The following DAB1 variants were observed in gnomAD, a reference collection of about 807,000 sequenced individuals.
DAB1 encodes DAB adaptor protein 1.
Under a neutral mutation model 64.6 loss-of-function variants are expected in DAB1, and 15 were observed. That is an observed-to-expected ratio of 0.23 (90% CI 0.16 to 0.36). DAB1 has a LOEUF of 0.36. Ranked by LOEUF, DAB1 falls within the 10% of genes least tolerant of loss-of-function variation. The pLI is 1.00. For synonymous variants in DAB1, 235 were observed against 251.9 expected (o/e 0.93, Z 0.64); for missense variants, 596 against 706.7 (o/e 0.84, Z 1.78).
At chr1:58,462,845 T>C (rs867039005) in intron 3 of DAB1, 5 of 152,234 alleles carry the variant, frequency 3.3e-5, no homozygotes, top group Admixed American at 6.5e-5. Context: ...ATTGTACGGA[T>C]TGAAAGAACT....
chr1:57,695,277 G>GGAGAGAGAAAGAAAGAAAGA (rs1458324973), intron 6 of DAB1, among the ~76,000 whole-genome samples: 1 of 74,742 alleles, frequency 1.3e-5, no homozygotes, highest in Admixed American at 1.7e-4. Flanking sequence ...AGGAAGGAAG[G>GGAGAGAGAAAGAAAGAAAGA]AAGGAAGAAA....
chr1:57,754,076 C>T (rs778700803), intron 6 of DAB1, among the ~76,000 whole-genome samples: 5 of 152,146 alleles, frequency 3.3e-5, no homozygotes, highest in Non-Finnish European at 7.3e-5. Flanking sequence ...CTTATCTCAT[C>T]CTCTTCTGAG....
At chr1:58,435,391 TC>T (rs1476612196) in intron 3 of DAB1, among the ~76,000 whole-genome samples, 2 of 152,158 alleles carry the variant, frequency 1.3e-5, no homozygotes, top group African/African-American at 4.8e-5. Flanking sequence ...ACCTTGTTTT[TC>T]CCCCATGGTC....
chr1:57,942,052 A>C (rs1645114145), intron 5 of DAB1, among the ~76,000 whole-genome samples: 1 of 152,168 alleles, frequency 6.6e-6, no homozygotes, highest in Non-Finnish European at 1.5e-5. Flanking sequence ...AGATGGGGCA[A>C]GAAAGTGGAC....
At chr1:57,510,581 A>G (rs1644395246) in intron 7 of DAB1, among the ~76,000 whole-genome samples, 1 of 152,070 alleles carries the variant, frequency 6.6e-6, no homozygotes, top group Admixed American at 6.6e-5. Flanking sequence ...CTAATTTAAT[A>G]TGCCTTTAGG....
intron 5 of DAB1, chr1:58,056,222 G>A (rs200901300): frequency 1.0e-3 from 1,535 of 1,503,406 alleles, no homozygotes; most frequent in Non-Finnish European, 1.3e-3. Context: ...TCACGAGATC[G>A]ATTCCTGACT....
At chr1:58,125,983 G>A (rs1413809021) in intron 5 of DAB1, among the ~76,000 whole-genome samples, 2 of 152,036 alleles carry the variant, frequency 1.3e-5, no homozygotes, top group Non-Finnish European at 1.5e-5. Flanking sequence ...CTGTTACCAC[G>A]GAGGAGCCAG....
chr1:57,202,451 AG>A (rs1416091097), intron 2 of DAB1, among the ~76,000 whole-genome samples: 1 of 152,184 alleles, frequency 6.6e-6, no homozygotes, highest in East Asian at 1.9e-4. Context: ...AAATGCAAAG[AG>A]AGGCCAGGTC....
chr1:57,438,767 C>T (rs966050979), intron 7 of DAB1, among the ~76,000 whole-genome samples: 5 of 152,036 alleles, frequency 3.3e-5, no homozygotes, highest in African/African-American at 1.2e-4. Context: ...GGAACTATTT[C>T]CATCTTTGTG....
chr1:57,830,730 C>G (rs1652547566), intron 1 of DAB1, among the ~76,000 whole-genome samples: 1 of 152,060 alleles, frequency 6.6e-6, no homozygotes, highest in Admixed American at 6.6e-5. Flanking sequence ...ACTGATAAGA[C>G]CGATTTACTA....
chr1:57,268,433 CTCTT>C (rs967645523), intron 2 of DAB1, among the ~76,000 whole-genome samples: 1 of 152,188 alleles, frequency 6.6e-6, no homozygotes, highest in African/African-American at 2.4e-5. Context: ...ATCCAGATAA[CTCTT>C]TGTGAATCCT....
intron 6 of DAB1, among the ~76,000 whole-genome samples, chr1:57,678,723 C>T (rs1289515019): frequency 1.3e-5 from 2 of 150,928 alleles, no homozygotes; most frequent in African/African-American, 4.9e-5. Flanking sequence ...TTAGTATTTT[C>T]CATGTATCTT....
chr1:58,424,180 G>T (rs530382378), intron 3 of DAB1, among the ~76,000 whole-genome samples: 1 of 152,282 alleles, frequency 6.6e-6, no homozygotes, highest in African/African-American at 2.4e-5. Flanking sequence ...AAGTCCAAAA[G>T]CAGAAAAAAG....
intron 4 of DAB1, among the ~76,000 whole-genome samples, chr1:58,276,770 T>C (rs1379428804): frequency 6.6e-6 from 1 of 152,174 alleles, no homozygotes; most frequent in Non-Finnish European, 1.5e-5. Context: ...GTCTTATCAT[T>C]TTTTCTGTGC....
chr1:57,305,986 GAA>G lies in DAB1; in HGVS notation c.-136-14822_-136-14821del, dbSNP rs1190372273. ...TCCGTCTCAAAAAAAAAAAAAAAAA[GAA>G]AAAAGAAAAGAAAACAATGACTTTC... On this transcript the variant is annotated intron_variant, in intron 1 of 14. Transcript: ENST00000371236. 9.3e-3 allele frequency among the ~76,000 whole-genome samples: 1,240 copies of G among 133,836 alleles called. 29 individuals carry two copies. The highest frequency in any genetic ancestry group is 0.082 in the East Asian group (412 of 5,030). 87.8% of individuals were successfully genotyped at this position (133,836 alleles called of 152,430 possible).
intron 13 of DAB1, 95 bp from the exon 14 acceptor site, chr1:57,010,885 T>C (rs1473835120): frequency 2.0e-6 from 2 of 1,008,354 alleles, no homozygotes; most frequent in Non-Finnish European, 2.9e-6. Flanking sequence ...CACAATCAGT[T>C]ATTGTAAAGG....
intron 3 of DAB1, among the ~76,000 whole-genome samples, chr1:58,411,200 A>T (rs1182679770): frequency 1.3e-5 from 2 of 152,160 alleles, no homozygotes; most frequent in Non-Finnish European, 2.9e-5. Flanking sequence ...GACAGCCATG[A>T]TGTTAAGCCT....
chr1:57,701,301 A>G (rs1646905202), intron 6 of DAB1, among the ~76,000 whole-genome samples: 1 of 152,116 alleles, frequency 6.6e-6, no homozygotes, highest in Admixed American at 6.5e-5. Context: ...CTTGGAACCA[A>G]CCCAAATGTC....
Position 58,185,532 on chromosome 1 carries a change from T to C in DAB1, n.310-34944A>G, listed in dbSNP as rs202167734. Among the ~76,000 whole-genome samples, 6 of 152,222 alleles carry C rather than the reference T, an allele frequency of 3.9e-5. No homozygotes were observed. The East Asian group carries it at 1.2e-3, about 29-fold the overall frequency. Reference sequence around the variant, plus strand: ...CTGGCTATAAGGTCTTGTTTCATGCTGATTCCTGAAGCCTACCATAGGTTT... The same window carrying C: ...CTGGCTATAAGGTCTTGTTTCATGCCGATTCCTGAAGCCTACCATAGGTTT... On this transcript the variant is annotated intron_variant and non_coding_transcript_variant, in intron 4 of 20. Transcript: ENST00000485760.
Sources: allele counts gnomAD v4.1 joint callset (sites outside exome capture counted in the v4.1 genomes callset), GRCh38; gene constraint gnomAD v4.1.1; transcripts MANE v1.5; gene names NCBI Gene and HGNC (gene_info 2026-07-23, HGNC 2026-07-21).